Variants in CEP63 observed in about 807,000 individuals in gnomAD.
CEP63 encodes centrosomal protein 63.
A neutral mutation model predicts 89.1 loss-of-function variants in CEP63; 84 were observed. The observed-to-expected ratio is 0.94, with a 90% confidence interval of 0.79 to 1.13. The LOEUF (loss-of-function observed/expected upper bound fraction) is 1.13. Ranked by LOEUF, CEP63 falls within the 50% of genes most tolerant of loss-of-function variation. The pLI is 0.00. For synonymous variants in CEP63, 267 were observed against 272.5 expected (o/e 0.98, Z 0.20); for missense variants, 838 against 813.3 (o/e 1.03, Z -0.37).
chr3:134,723,526 G>T, the CEP63 span, among the ~76,000 whole-genome samples: 1 of 152,130 alleles, frequency 6.6e-6, no homozygotes, highest in Non-Finnish European at 1.5e-5. Flanking sequence ...AAAGAGCTTT[G>T]GACTAATGGG....
chr3:134,511,612 C>A (rs1233703402), intron 3 of CEP63, among the ~76,000 whole-genome samples: 1 of 152,140 alleles, frequency 6.6e-6, no homozygotes, highest in East Asian at 1.9e-4. Flanking sequence ...CTCACAGTTC[C>A]ACAGGCTGTA....
At chr3:134,487,614 C>G (rs1936055291) in intron 1 of CEP63, among the ~76,000 whole-genome samples, 1 of 152,208 alleles carries the variant, frequency 6.6e-6, no homozygotes, top group Admixed American at 6.5e-5. Flanking sequence ...CCAACATTGA[C>G]AGAAGGTTTC....
At chr3:134,702,073 G>C in the CEP63 span, among the ~76,000 whole-genome samples, 1 of 152,022 alleles carries the variant, frequency 6.6e-6, no homozygotes, top group Non-Finnish European at 1.5e-5. Context: ...ACCAACAACA[G>C]GCAAGCCAAA....
chr3:134,548,137 A>T (rs1953962193), intron 9 of CEP63, among the ~76,000 whole-genome samples: 1 of 152,130 alleles, frequency 6.6e-6, no homozygotes, highest in African/African-American at 2.4e-5. Context: ...AACATCACCC[A>T]TCTGGGGGAA....
At chr3:134,652,894 A>ATGGG in the CEP63 span, among the ~76,000 whole-genome samples, 605 of 152,258 alleles carry the variant, frequency 4.0e-3, 6 homozygotes, top group African/African-American at 0.012. Context: ...TGGTTGCCGG[A>ATGGG]TGGGTCTGAG....
intron 2 of CEP63, among the ~76,000 whole-genome samples, chr3:134,498,771 T>A (rs1940997926): frequency 6.6e-6 from 1 of 152,230 alleles, no homozygotes; most frequent in African/African-American, 2.4e-5. Context: ...ATGTTGAATT[T>A]TATCAAGTGC....
the CEP63 span, chr3:134,604,042 T>G: frequency 6.2e-7 from 1 of 1,614,000 alleles, no homozygotes; most frequent in Non-Finnish European, 8.5e-7. Context: ...GTAGCGCCGC[T>G]GTGTCTCCTC....
chr3:134,581,679 A>ATTT (rs1231214008), intron 10 of CEP63, among the ~76,000 whole-genome samples: 2,325 of 124,154 alleles, frequency 0.019, 230 homozygotes, highest in African/African-American at 0.063. Flanking sequence ...TGATGAAAAC[A>ATTT]TTTTTTTTTT....
At chr3:134,526,775 T>G (rs1308385005) in intron 3 of CEP63, among the ~76,000 whole-genome samples, 1 of 151,046 alleles carries the variant, frequency 6.6e-6, no homozygotes, top group Non-Finnish European at 1.5e-5. Flanking sequence ...TGGATGAGGT[T>G]TTTTTTTTTC....
intron 4 of CEP63, 38 bp downstream of exon 4, chr3:134,531,978 T>G: frequency 1.4e-6 from 2 of 1,408,942 alleles, no homozygotes. Flanking sequence ...TGTGTGTAGT[T>G]CTCTCTCTTT....
intron 5 of CEP63, 46 bp from the exon 6 acceptor site, chr3:134,537,109 G>A (rs1219716294): frequency 5.2e-6 from 6 of 1,154,656 alleles, no homozygotes; most frequent in East Asian, 4.7e-5. Flanking sequence ...AGTAGTGACA[G>A]TGAGGAGAAG....
At chr3:134,651,742 CTGTG>C in the CEP63 span, 3 of 484,914 alleles carry the variant, frequency 6.2e-6, no homozygotes, top group Non-Finnish European at 8.1e-6. Context: ...GGCTCCTGCC[CTGTG>C]GGGAAGGAGG....
At chr3:134,501,954 T>G (rs140238839) in intron 2 of CEP63, among the ~76,000 whole-genome samples, 3 of 152,190 alleles carry the variant, frequency 2.0e-5, no homozygotes, top group Non-Finnish European at 2.9e-5. Flanking sequence ...AGTATGATAT[T>G]GGCTGTGGGT....
chr3:134,735,317 A>C, the CEP63 span, among the ~76,000 whole-genome samples: 3 of 152,124 alleles, frequency 2.0e-5, no homozygotes, highest in Non-Finnish European at 4.4e-5. Context: ...TGATTTATTA[A>C]CATTGAACTC....
chr3:134,746,905 T>G, the CEP63 span, among the ~76,000 whole-genome samples: 1 of 152,354 alleles, frequency 6.6e-6, no homozygotes, highest in East Asian at 1.9e-4. Flanking sequence ...CAGTTTCTTT[T>G]GCTGTGCAGA....
chr3:134,696,202 A>C, the CEP63 span, among the ~76,000 whole-genome samples: 1 of 152,222 alleles, frequency 6.6e-6, no homozygotes. Context: ...AAAGGCAGAC[A>C]TGTCGCTGTG....
intron 2 of CEP63, 72 bp from the exon 3 acceptor site, chr3:134,507,037 T>C: frequency 1.7e-6 from 2 of 1,165,402 alleles, no homozygotes; most frequent in Non-Finnish European, 2.6e-6. Context: ...TCTGCTATAT[T>C]TTTACATGAA....
chr3:134,664,853 G>C, the CEP63 span, among the ~76,000 whole-genome samples: 1 of 152,164 alleles, frequency 6.6e-6, no homozygotes, highest in Non-Finnish European at 1.5e-5. Context: ...CTGGCTTGCT[G>C]CATGGCCTGC....
At chr3:134,605,878 C>A in the CEP63 span, among the ~76,000 whole-genome samples, 4 of 152,198 alleles carry the variant, frequency 2.6e-5, no homozygotes, top group African/African-American at 9.6e-5. Context: ...ACTCTCTGAG[C>A]ACTGCTTAAC....
Sources: gnomAD v4.1 joint callset for allele counts (sites outside exome capture counted in the v4.1 genomes callset) on GRCh38, gnomAD v4.1.1 for gene constraint, MANE v1.5 for transcripts, NCBI Gene and HGNC (gene_info 2026-07-23, HGNC 2026-07-21) for gene names.